The following HMGXB3 variants were observed in gnomAD, a reference collection of about 807,000 sequenced individuals.
HMGXB3 encodes the protein HMG-box containing 3, also known as HMG domain-containing protein 3.
In HMGXB3, 45 loss-of-function variants were observed where a neutral mutation model predicts 121.5. That is an observed-to-expected ratio of 0.37 (90% confidence interval 0.29 to 0.47). The LOEUF is 0.47. Ranked by LOEUF, HMGXB3 falls within the 20% of genes least tolerant of loss-of-function variation. HMGXB3 has a pLI of 0.99. For missense variants in HMGXB3, 1,376 were observed against 1,602.2 expected (o/e 0.86, Z 2.41); for synonymous variants, 590 against 624.1 (o/e 0.95, Z 0.81).
At chr5:150,022,275 C>G (rs143593973) in intron 6 of HMGXB3, among the ~76,000 whole-genome samples, 103 of 152,214 alleles carry the variant, frequency 6.8e-4, no homozygotes, top group Middle Eastern at 3.4e-3. Flanking sequence ...TGTGTTTGTG[C>G]CAGCCAGGAA....
chr5:150,018,366 C>T (rs1466277950), intron 5 of HMGXB3, among the ~76,000 whole-genome samples, 200 bp from the exon 6 acceptor site: 1 of 152,138 alleles, frequency 6.6e-6, no homozygotes, highest in Non-Finnish European at 1.5e-5. Context: ...ATTGTCTTTC[C>T]CCATTTGAAC....
chr5:150,041,690 T>A (rs1756637517), intron 14 of HMGXB3, 95 bp from the exon 15 acceptor site: 1 of 865,216 alleles, frequency 1.2e-6, no homozygotes, highest in South Asian at 1.7e-5. Context: ...TGAATCAGTC[T>A]GGCAGAATTG....
At chr5:150,023,582 T>C (rs1756153891) in intron 6 of HMGXB3, among the ~76,000 whole-genome samples, 1 of 152,226 alleles carries the variant, frequency 6.6e-6, no homozygotes, top group South Asian at 2.1e-4. Flanking sequence ...GCAGTGCTAA[T>C]TGGATAAAAG....
At chr5:150,001,433 A>G (rs1283646255) in intron 1 of HMGXB3, among the ~76,000 whole-genome samples, 2 of 152,234 alleles carry the variant, frequency 1.3e-5, no homozygotes, top group South Asian at 2.1e-4. Context: ...ACTGTGGCCC[A>G]TGGCTGAGCC....
intron 15 of HMGXB3, among the ~76,000 whole-genome samples, chr5:150,042,284 T>A (rs13183261): frequency 6.6e-5 from 10 of 152,082 alleles, no homozygotes; most frequent in Non-Finnish European, 1.3e-4. Context: ...ACAAAGTTTC[T>A]GTCCTCATGG....
chr5:150,009,107 T>C (rs1015015090), intron 3 of HMGXB3, among the ~76,000 whole-genome samples: 11 of 152,250 alleles, frequency 7.2e-5, no homozygotes, highest in African/African-American at 2.7e-4. Context: ...GTTTTCCTTA[T>C]TGGGTGCCTT....
At chr5:150,038,379 A>C (rs906927148) in intron 13 of HMGXB3, among the ~76,000 whole-genome samples, 9 of 152,220 alleles carry the variant, frequency 5.9e-5, no homozygotes, top group Admixed American at 1.3e-4. Context: ...TCTTGCCAAC[A>C]GTTAACAAAA....
intron 18 of HMGXB3, among the ~76,000 whole-genome samples, chr5:150,049,830 C>T (rs1334787797): frequency 6.6e-6 from 1 of 152,180 alleles, no homozygotes; most frequent in East Asian, 1.9e-4. Flanking sequence ...GGGGAGCTTG[C>T]TCAAAATACA....
At chr5:150,033,514 G>A (rs767264742) in intron 11 of HMGXB3, among the ~76,000 whole-genome samples, 16 of 152,208 alleles carry the variant, frequency 1.1e-4, no homozygotes, top group Non-Finnish European at 2.4e-4. Context: ...ATAAGTGTGA[G>A]TGAACATGAA....
At chr5:150,006,237 CA>C (rs774170175) in intron 2 of HMGXB3, among the ~76,000 whole-genome samples, 5 of 152,120 alleles carry the variant, frequency 3.3e-5, no homozygotes, top group African/African-American at 4.8e-5. Context: ...CTTATTATAA[CA>C]CCATCTGAGG....
intron 6 of HMGXB3, among the ~76,000 whole-genome samples, chr5:150,020,391 C>T (rs1175772365): frequency 6.6e-6 from 1 of 152,214 alleles, no homozygotes; most frequent in Non-Finnish European, 1.5e-5. Context: ...GGATAGTAGT[C>T]AGAATCTTCC....
rs566000382 is a variant in HMGXB3, at chr5:150,050,890, A to G, written c.3411+429A>G. ...GTTAAAAGAGGTTGCCTTCCAGAGA[A>G]GCCTAGAAAGTTGCCACCTTTGAGA... is the stretch of plus-strand genomic sequence containing the variant. On this transcript the variant is annotated intron_variant, in intron 19 of 19. Transcript: ENST00000502717. Among the ~76,000 whole-genome samples the G allele has an allele frequency of 1.1e-4, 17 of 152,344 alleles. No individual in the cohort carries two copies. In the South Asian group the frequency reaches 3.1e-3, roughly 28 times the overall value.
At chr5:150,018,860 A>G (rs1361773394) in intron 6 of HMGXB3, among the ~76,000 whole-genome samples, 163 bp downstream of exon 6, 1 of 152,266 alleles carries the variant, frequency 6.6e-6, no homozygotes, top group African/African-American at 2.4e-5. Context: ...AATACAAAAG[A>G]AAAATGGAAT....
chr5:150,039,475 T>C (rs1300650386), intron 13 of HMGXB3, among the ~76,000 whole-genome samples: 1 of 152,166 alleles, frequency 6.6e-6, no homozygotes, highest in Non-Finnish European at 1.5e-5. Flanking sequence ...GTAAATATTA[T>C]AATTTTTTTA....
Position 150,045,762 on chromosome 5 carries a change from G to C in HMGXB3, c.2950+77G>C, listed in dbSNP as rs1756740729. On this transcript the variant is annotated intron_variant, in intron 16 of 19. Coordinates refer to ENST00000502717, the MANE Select transcript of HMGXB3 (RefSeq NM_014983.3). ...CTGGGACATTGTCCATGGCAAGATAGCACAGTGGTAGCGAGAGGGCCAGGC... is the reference window on the plus strand; with the variant it reads ...CTGGGACATTGTCCATGGCAAGATACCACAGTGGTAGCGAGAGGGCCAGGC... 7.6e-6 allele frequency: 9 copies of C among 1,185,880 alleles called. No homozygotes were observed. In the South Asian group the frequency reaches 1.2e-4, roughly 16 times the overall value. 73.5% of individuals were successfully genotyped at this position (1,185,880 alleles called of 1,614,324 possible).
In HMGXB3 at chr5:150,030,715, A is replaced by G. The variant is rs748784481; in HGVS notation, c.1735-26A>G. ...AGGAGTTTGGCTAAGGTTCAAAAGC[A>G]CTAAATAATTTGTTCTGATCCACAG... On this transcript the variant is annotated intron_variant, in intron 9 of 19. Coordinates refer to ENST00000502717, the MANE Select transcript of HMGXB3 (RefSeq NM_014983.3). 18 of 1,524,210 alleles carry G rather than the reference A, an allele frequency of 1.2e-5. No individual in the cohort carries two copies. In the African/African-American group the frequency reaches 2.2e-4, roughly 19 times the overall value. The allele number at this position is 1,524,210 out of a possible 1,614,324, so 94.4% of individuals were successfully genotyped here.
intron 19 of HMGXB3, 103 bp from the exon 20 acceptor site, chr5:150,051,622 A>G (rs1756900167): frequency 4.4e-6 from 4 of 906,266 alleles, no homozygotes; most frequent in Non-Finnish European, 6.6e-6. Flanking sequence ...TGGTGATGTT[A>G]GGATTCAAAG....
chr5:150,045,492 T>C lies in HMGXB3; in HGVS notation c.2757T>C (p.Ser919=). The change falls in exon 16 of 20, where the codon TCT becomes TCC. Residue 919 remains serine (S), a synonymous_variant. Transcript: ENST00000502717. ...TCACCTGGCCTGAATTCCTGGGCTC[T>C]AATGAGGTAAATGTGGAGGACTTTT... ...VEFTWPEFLG[S]NEVNVEDFWA... is the part of the protein sequence containing the mutation. The C allele has an allele frequency of 6.4e-7, 1 of 1,552,316 alleles. No individual in the cohort carries two copies. The highest frequency in any genetic ancestry group is 8.7e-7 in the Non-Finnish European group (1 of 1,147,116).
intron 15 of HMGXB3, among the ~76,000 whole-genome samples, chr5:150,042,829 A>G (rs1200983754): frequency 6.6e-6 from 1 of 152,244 alleles, no homozygotes; most frequent in Non-Finnish European, 1.5e-5. Flanking sequence ...AATTAGAACA[A>G]ATATCCAAGA....
Sources: gnomAD v4.1 joint callset for allele counts (sites outside exome capture counted in the v4.1 genomes callset) on GRCh38, gnomAD v4.1.1 for gene constraint, MANE v1.5 for transcripts, NCBI Gene and HGNC (gene_info 2026-07-23, HGNC 2026-07-21) for gene names.